CD86: variants seen among roughly 807,000 people sequenced by gnomAD.
CD86 encodes the protein CD86 molecule.
Under a neutral mutation model 32.1 loss-of-function variants are expected in CD86, and 11 were observed. That is an observed-to-expected ratio of 0.34 (90% CI 0.22 to 0.57). CD86 has a LOEUF of 0.57. Ranked by LOEUF, CD86 falls within the 20% of genes least tolerant of loss-of-function variation. The pLI, the probability that CD86 is intolerant of heterozygous loss-of-function variation, is 0.86. For missense variants in CD86, 359 were observed against 398.4 expected, an observed-to-expected ratio of 0.90 and a Z score of 0.84; for synonymous variants, 137 against 135.3, an observed-to-expected ratio of 1.01 and a Z score of -0.09.
chr3:122,107,713 C>G (rs1559912384), intron 4 of CD86, among the ~76,000 whole-genome samples: 1 of 152,214 alleles, frequency 6.6e-6, no homozygotes, highest in African/African-American at 2.4e-5. Flanking sequence ...CATCCAACTC[C>G]TTGCTCCATA....
At chr3:122,103,075 G>T (rs928036776) in intron 2 of CD86, among the ~76,000 whole-genome samples, 4 of 152,140 alleles carry the variant, frequency 2.6e-5, no homozygotes, top group African/African-American at 9.7e-5. Context: ...AGCTTTTGGT[G>T]ATGGTGTAGA....
At chr3:122,071,165 T>C (rs560266811) in intron 1 of CD86, among the ~76,000 whole-genome samples, 1 of 152,296 alleles carries the variant, frequency 6.6e-6, no homozygotes. Flanking sequence ...TAAGTTTCTC[T>C]CTTTGGGTTG....
intron 1 of CD86, among the ~76,000 whole-genome samples, chr3:122,079,843 T>A (rs1163860389): frequency 3.3e-5 from 5 of 152,212 alleles, no homozygotes; most frequent in African/African-American, 1.2e-4. Context: ...TCGGTCCTCC[T>A]TTATTCATGG....
intron 1 of CD86, among the ~76,000 whole-genome samples, chr3:122,064,603 A>G (rs2072388077): frequency 6.6e-6 from 1 of 152,198 alleles, no homozygotes; most frequent in Admixed American, 6.5e-5. Flanking sequence ...TGTCCTGTGT[A>G]TAAGGATGTG....
At chr3:122,061,175 A>T (rs2072329130) in intron 1 of CD86, among the ~76,000 whole-genome samples, 1 of 152,234 alleles carries the variant, frequency 6.6e-6, no homozygotes, top group Non-Finnish European at 1.5e-5. Flanking sequence ...GTAAAACTGG[A>T]TAAACCTAAA....
At chr3:122,074,038 T>G (rs1174195953) in intron 1 of CD86, among the ~76,000 whole-genome samples, 5 of 152,232 alleles carry the variant, frequency 3.3e-5, no homozygotes, top group Non-Finnish European at 5.9e-5. Context: ...GTCCCTAGTC[T>G]GTCCTGGTTG....
intron 5 of CD86, among the ~76,000 whole-genome samples, chr3:122,114,953 T>C (rs111816036): frequency 4.3e-4 from 66 of 152,358 alleles, no homozygotes; most frequent in African/African-American, 1.3e-3. Flanking sequence ...TACCTTAAGA[T>C]GGCGAATGTG....
intron 1 of CD86, among the ~76,000 whole-genome samples, chr3:122,061,655 T>C (rs2072337711): frequency 6.6e-6 from 1 of 152,086 alleles, no homozygotes; most frequent in African/African-American, 2.4e-5. Flanking sequence ...TACCTACCTA[T>C]AAAAATGGTT....
intron 5 of CD86, among the ~76,000 whole-genome samples, chr3:122,116,914 G>A (rs1362973515): frequency 6.6e-6 from 1 of 152,064 alleles, no homozygotes; most frequent in Non-Finnish European, 1.5e-5. Context: ...GAACTATTTT[G>A]GCTTATAAAA....
Position 122,109,350 on chromosome 3 carries a change from C to A in CD86, c.789C>A (p.Phe263Leu). The A allele has an allele frequency of 2.5e-6, 4 of 1,614,086 alleles. No homozygotes were observed. Among genetic ancestry groups the A allele is most frequent in the Non-Finnish European group, 3.4e-6 (4 of 1,179,972 alleles). The change falls in exon 5 of 7, where the codon TTC (phenylalanine) becomes TTA (leucine). Residue 263 changes from phenylalanine to leucine, a missense_variant. Phe to Leu is a conservative substitution (Grantham distance 22, BLOSUM62 0). Coordinates refer to ENST00000330540, the MANE Select transcript of CD86 (RefSeq NM_175862.5). ...LPTVIICVMV[F>L]CLILWKWKKK... ...CAGTTATTATATGTGTGATGGTTTT[C>A]TGTCTAATTCTATGGAAATGGAAGA... is the stretch of plus-strand genomic sequence containing the variant.
chr3:122,064,019 A>C (rs1368483277), intron 1 of CD86, among the ~76,000 whole-genome samples: 8 of 152,228 alleles, frequency 5.3e-5, no homozygotes, highest in African/African-American at 1.9e-4. Context: ...AACTCCAAAA[A>C]GTCAGCTCAT....
chr3:122,085,446 G>A (rs557437563), intron 1 of CD86, among the ~76,000 whole-genome samples: 157 of 152,344 alleles, frequency 1.0e-3, no homozygotes, highest in African/African-American at 3.7e-3. Context: ...AATACCCACT[G>A]TGTGCCAGGT....
At position 122,119,829 on chromosome 3, in the gene CD86, A is replaced by G. The variant is rs2073315520; in HGVS notation, c.*295A>G. Reference sequence around the variant, plus strand: ...AAAATTTAGGACCAATACCTCCTCCAGATCAGATTCTTCTCTTAATTTCAT... The same window carrying G: ...AAAATTTAGGACCAATACCTCCTCCGGATCAGATTCTTCTCTTAATTTCAT... On this transcript the variant is annotated 3_prime_UTR_variant, in exon 7 of 7. Coordinates refer to ENST00000330540, the MANE Select transcript of CD86 (RefSeq NM_175862.5). 1.3e-5 allele frequency: 3 copies of G among 230,756 alleles called. No individual in the cohort carries two copies. The highest frequency in any genetic ancestry group is 2.9e-4 in the South Asian group (2 of 7,010). The allele number at this position is 230,756 out of a possible 1,614,324, so 14.3% of individuals were successfully genotyped here.
chr3:122,078,138 GC>G, intron 1 of CD86: 1 of 740,648 alleles, frequency 1.4e-6, no homozygotes, highest in Non-Finnish European at 1.6e-6. Flanking sequence ...CTAATGGCCG[GC>G]CAGAGAATGA....
At chr3:122,086,540 C>T (rs1240516449) in intron 1 of CD86, 1 of 464,018 alleles carries the variant, frequency 2.2e-6, no homozygotes, top group Non-Finnish European at 4.3e-6. Flanking sequence ...CAGAGCTCTT[C>T]TAGATATGGC....
At chr3:122,111,297 C>T (rs2073168500) in intron 5 of CD86, among the ~76,000 whole-genome samples, 1 of 152,182 alleles carries the variant, frequency 6.6e-6, no homozygotes, top group African/African-American at 2.4e-5. Flanking sequence ...GCAATATCTG[C>T]CATTGCTTTG....
intron 2 of CD86, among the ~76,000 whole-genome samples, chr3:122,099,944 T>C (rs1252245517): frequency 6.6e-6 from 1 of 152,016 alleles, no homozygotes; most frequent in Non-Finnish European, 1.5e-5. Context: ...TGAACAACAG[T>C]TGTAGAAGGA....
intron 5 of CD86, 95 bp downstream of exon 5, chr3:122,109,503 T>G (rs1204882416): frequency 6.4e-5 from 89 of 1,399,526 alleles, no homozygotes; most frequent in Non-Finnish European, 8.6e-5. Context: ...GAGCCTAGAC[T>G]GGCAAAAAGT....
At chr3:122,081,220 T>C (rs554139725) in intron 1 of CD86, among the ~76,000 whole-genome samples, 1 of 152,356 alleles carries the variant, frequency 6.6e-6, no homozygotes, top group African/African-American at 2.4e-5. Flanking sequence ...TGCAGGCCAG[T>C]CAGCTTTTCT....
Sources: gnomAD v4.1 joint callset for allele counts (sites outside exome capture counted in the v4.1 genomes callset) on GRCh38, gnomAD v4.1.1 for gene constraint, MANE v1.5 for transcripts, NCBI Gene and HGNC (gene_info 2026-07-23, HGNC 2026-07-21) for gene names.